Variants in ROBO2 observed in about 807,000 individuals in gnomAD.
The protein encoded by ROBO2 is roundabout homolog 2.
In ROBO2, 53 loss-of-function variants were observed where a neutral mutation model predicts 160.8. That is an observed-to-expected ratio of 0.33 (90% CI 0.26 to 0.41). ROBO2 has a LOEUF of 0.41. Ranked by LOEUF, ROBO2 falls within the 10% of genes least tolerant of loss-of-function variation. The pLI is 1.00. For missense variants in ROBO2, 1,577 were observed against 1,722.4 expected (o/e 0.92, Z 1.49); for synonymous variants, 664 against 611.7 (o/e 1.09, Z -1.26).
chr3:77,147,109 C>A (rs1255997054), intron 2 of ROBO2, among the ~76,000 whole-genome samples: 1 of 152,198 alleles, frequency 6.6e-6, no homozygotes, highest in Non-Finnish European at 1.5e-5. Context: ...ATACTATCAT[C>A]TTTCTATTTC....
intron 2 of ROBO2, among the ~76,000 whole-genome samples, chr3:76,241,448 C>T (rs773819170): frequency 1.3e-5 from 2 of 152,156 alleles, no homozygotes; most frequent in Admixed American, 1.3e-4. Context: ...GAGAACAGAA[C>T]GGAGGAAAAT....
intron 2 of ROBO2, among the ~76,000 whole-genome samples, chr3:77,233,354 T>C (rs2087489857): frequency 6.6e-6 from 1 of 152,188 alleles, no homozygotes; most frequent in Non-Finnish European, 1.5e-5. Flanking sequence ...AGCAGTTCTG[T>C]GGTTTACAGG....
intron 2 of ROBO2, among the ~76,000 whole-genome samples, chr3:76,332,885 T>G (rs1359508091): frequency 2.0e-5 from 3 of 152,220 alleles, no homozygotes; most frequent in Admixed American, 2.0e-4. Context: ...TTGTGTGTGT[T>G]TTTTGTTATA....
chr3:76,525,877 G>T (rs574294540), intron 2 of ROBO2, among the ~76,000 whole-genome samples: 1 of 151,792 alleles, frequency 6.6e-6, no homozygotes, highest in East Asian at 1.9e-4. Flanking sequence ...ACACTTTACC[G>T]CAGAAAAAAA....
intron 2 of ROBO2, among the ~76,000 whole-genome samples, chr3:76,402,576 G>A (rs1306779519): frequency 6.6e-6 from 1 of 151,526 alleles, no homozygotes; most frequent in Non-Finnish European, 1.5e-5. Context: ...TCAGTAGGTT[G>A]CATTATTTTC....
intron 2 of ROBO2, among the ~76,000 whole-genome samples, chr3:76,407,060 T>C (rs552627680): frequency 1.1e-4 from 16 of 145,380 alleles, no homozygotes; most frequent in African/African-American, 3.7e-4. Flanking sequence ...GTCCCAAACA[T>C]GCAATGTTTC....
intron 1 of ROBO2, among the ~76,000 whole-genome samples, chr3:77,041,524 T>C (rs1440238976): frequency 1.3e-5 from 2 of 152,216 alleles, no homozygotes; most frequent in South Asian, 2.1e-4. Context: ...TCCCTCTAGG[T>C]TGAGTCAGTC....
chr3:77,608,160 C>T (rs1466542035), intron 21 of ROBO2, among the ~76,000 whole-genome samples: 1 of 151,904 alleles, frequency 6.6e-6, no homozygotes, highest in Non-Finnish European at 1.5e-5. Flanking sequence ...ACTGAGAATC[C>T]TTGGCCTTCA....
At chr3:76,082,019 G>A (rs866619401) in intron 2 of ROBO2, among the ~76,000 whole-genome samples, 5 of 151,988 alleles carry the variant, frequency 3.3e-5, no homozygotes, top group Non-Finnish European at 7.4e-5. Context: ...GCCCCCAACC[G>A]TTAATCTCCT....
chr3:76,672,389 A>G (rs2092292789), intron 2 of ROBO2, among the ~76,000 whole-genome samples: 1 of 152,182 alleles, frequency 6.6e-6, no homozygotes, highest in Non-Finnish European at 1.5e-5. Flanking sequence ...TTTATTTTGG[A>G]AGAAAGTGTA....
chr3:77,277,435 C>T (rs1195939074), intron 2 of ROBO2, among the ~76,000 whole-genome samples: 1 of 151,994 alleles, frequency 6.6e-6, no homozygotes, highest in Non-Finnish European at 1.5e-5. Flanking sequence ...AGCTATTCTT[C>T]CAGATGATGT....
At chr3:76,990,327 G>A (rs1346670971) in intron 2 of ROBO2, among the ~76,000 whole-genome samples, 2 of 152,018 alleles carry the variant, frequency 1.3e-5, no homozygotes, top group African/African-American at 4.8e-5. Context: ...TATTACATAT[G>A]CAAAATCATT....
intron 2 of ROBO2, among the ~76,000 whole-genome samples, chr3:76,901,440 T>C (rs903698838): frequency 1.1e-4 from 17 of 151,694 alleles, no homozygotes; most frequent in Non-Finnish European, 4.4e-5. Context: ...TGGTAGCTCA[T>C]GCCTGTAATC....
chr3:76,773,699 A>T (rs1159358299), intron 2 of ROBO2, among the ~76,000 whole-genome samples: 1 of 150,916 alleles, frequency 6.6e-6, no homozygotes, highest in Non-Finnish European at 1.5e-5. Context: ...AAAGAATCTT[A>T]TATTCCTATA....
chr3:76,904,795 T>G (rs1378618658), intron 2 of ROBO2, among the ~76,000 whole-genome samples: 2 of 152,176 alleles, frequency 1.3e-5, no homozygotes, highest in Admixed American at 1.3e-4. Flanking sequence ...ATATTTTGTA[T>G]TCCCAAAACA....
intron 2 of ROBO2, among the ~76,000 whole-genome samples, chr3:76,992,856 C>CA (rs2060769234): frequency 6.6e-6 from 1 of 152,026 alleles, no homozygotes; most frequent in Non-Finnish European, 1.5e-5. Flanking sequence ...CTCACTCTGT[C>CA]ATCCAGGCTG....
chr3:76,993,160 A>G (rs1223194688), intron 2 of ROBO2, among the ~76,000 whole-genome samples: 2 of 152,172 alleles, frequency 1.3e-5, no homozygotes, highest in Non-Finnish European at 2.9e-5. Context: ...AAAAGTTTCA[A>G]GAAAAATAAA....
At chr3:77,641,402 G>T (rs1010034042) in intron 24 of ROBO2, among the ~76,000 whole-genome samples, 1 of 152,184 alleles carries the variant, frequency 6.6e-6, no homozygotes, top group South Asian at 2.1e-4. Context: ...AAAGGTTCTT[G>T]AAGTTTTTGA....
intron 2 of ROBO2, among the ~76,000 whole-genome samples, chr3:76,165,976 C>T (rs116567424): frequency 6.6e-6 from 1 of 151,964 alleles, no homozygotes; most frequent in African/African-American, 2.4e-5. Context: ...ATTCCCAAAC[C>T]ATTACAATAG....
Sources: allele counts gnomAD v4.1 joint callset (sites outside exome capture counted in the v4.1 genomes callset), GRCh38; gene constraint gnomAD v4.1.1; transcripts MANE v1.5; gene names NCBI Gene and HGNC (gene_info 2026-07-23, HGNC 2026-07-21).